Variants in ARHGAP1 observed in about 807,000 individuals in gnomAD.
ARHGAP1 encodes Rho GTPase activating protein 1, also known as rho GTPase-activating protein 1.
Under a neutral mutation model 52.2 loss-of-function variants are expected in ARHGAP1, and 23 were observed. The ratio of observed to expected loss-of-function variants is 0.44; its 90% CI spans 0.32 to 0.62. The LOEUF is 0.62. Among genes scored for constraint, ARHGAP1 ranks in the 20% least tolerant of loss-of-function variants. The pLI, the probability that ARHGAP1 is intolerant of heterozygous loss-of-function variation, is 0.05. For missense variants in ARHGAP1, 480 were observed against 560.9 expected (o/e 0.86, Z 1.46); for synonymous variants, 210 against 228.4 (o/e 0.92, Z 0.73).
rs2064586372 is a variant in ARHGAP1 at position 46,688,235 on chromosome 11, G to T, written c.255C>A (p.Ile85=). ...GCATTCGACAGGCACTAAACACAAT[G>T]ATCTTCCGCCCATACTTGTCATCTC... The part of the protein sequence containing the change: ...VAGDDKYGRK[I]IVFSACRMPP... The change falls in exon 4 of 13, where the codon ATC becomes ATA. Residue 85 remains isoleucine, a synonymous_variant. Coordinates refer to ENST00000311956, the MANE Select transcript of ARHGAP1 (RefSeq NM_004308.5). 6.2e-7 allele frequency: 1 copy of T among 1,613,906 alleles called. No individual in the cohort carries two copies. Among genetic ancestry groups the T allele is most frequent in the African/African-American group, 1.3e-5 (1 of 74,930 alleles).
chr11:46,678,119 G>A lies in ARHGAP1; in HGVS notation c.*918C>T, dbSNP rs1034972261. 1.3e-5 allele frequency: 4 copies of A among 297,882 alleles called. 1 individual carries two copies. The Admixed American group carries it at 1.9e-4, about 14-fold the overall frequency. The allele number at this position is 297,882 out of a possible 1,614,324, so 18.5% of individuals were successfully genotyped here. A position where few individuals can be genotyped will look rare whatever the true frequency, so the allele number is the denominator to read the frequency against. ...CTGGAGGAAGGAGCCATAAGATCCT[G>A]AGGCACTGAGTCACCTCTGGCTGGG... On this transcript the variant is annotated 3_prime_UTR_variant, in exon 13 of 13. Coordinates refer to ENST00000311956, the MANE Select transcript of ARHGAP1 (RefSeq NM_004308.5).
At chr11:46,689,016 G>A (rs1242819689) in intron 3 of ARHGAP1, among the ~76,000 whole-genome samples, 2 of 151,416 alleles carry the variant, frequency 1.3e-5, no homozygotes, top group African/African-American at 2.4e-5. Flanking sequence ...CCTGGGAGGC[G>A]GAGGTTGCAG....
At position 46,679,823 on chromosome 11, in the gene ARHGAP1, AGCACCCATCTGCAGACAACGCGGGCC is replaced by A. The variant is rs999799331; in HGVS notation, c.899-73_899-48del. On this transcript the variant is annotated intron_variant, in intron 10 of 12. Transcript: ENST00000311956. The surrounding 1 kb of genome is among the most constrained non-coding windows in gnomAD (Gnocchi z 4.4). ...AGAAGCTCGGCACAGCCTGAAGGGC[AGCACCCATCTGCAGACAACGCGGGCC>A]GCACTGCCTGACTGCCCCTGGACAC... 9 of 1,609,654 alleles carry A rather than the reference AGCACCCATCTGCAGACAACGCGGGCC, an allele frequency of 5.6e-6. No individual in the cohort carries two copies. The highest frequency in any genetic ancestry group is 7.6e-6 in the Non-Finnish European group (9 of 1,179,076).
At chr11:46,683,469 G>A (rs1409322019) in intron 4 of ARHGAP1, among the ~76,000 whole-genome samples, 1 of 152,110 alleles carries the variant, frequency 6.6e-6, no homozygotes, top group African/African-American at 2.4e-5. Flanking sequence ...TCCAGTCACT[G>A]GGCCTTTAGT....
At chr11:46,682,224 G>A in intron 4 of ARHGAP1, 42 bp from the exon 5 acceptor site, 1 of 1,606,364 alleles carries the variant, frequency 6.2e-7, no homozygotes, top group South Asian at 1.1e-5. Flanking sequence ...CTGTGCACAG[G>A]GGCGGCCCCA....
At chr11:46,691,107 T>G (rs918501640) in intron 3 of ARHGAP1, among the ~76,000 whole-genome samples, 1 of 152,178 alleles carries the variant, frequency 6.6e-6, no homozygotes, top group Admixed American at 6.6e-5. Context: ...AGGCTAGTCT[T>G]GAACTCCTGC....
At position 46,682,118 on chromosome 11, in the gene ARHGAP1, C is replaced by T. The variant is rs541312809; in HGVS notation, c.382G>A (p.Gly128Ser). The T allele has an allele frequency of 1.3e-5, 21 of 1,614,180 alleles. No homozygotes were observed. Among genetic ancestry groups the T allele is most frequent in the Non-Finnish European group, 1.5e-5 (18 of 1,180,030 alleles). The part of the protein sequence containing the change: ...SDYTLLYLHH[G>S]LTSDNKPSLS... Reference sequence around the variant, plus strand: ...GAGGGCTTGTTGTCGCTGGTCAGGCCGTGGTGCAGATACAGAAGTGTGTAG... The same window carrying T: ...GAGGGCTTGTTGTCGCTGGTCAGGCTGTGGTGCAGATACAGAAGTGTGTAG... The change falls in exon 5 of 13, where the codon GGC (glycine) becomes AGC (serine). Residue 128 changes from glycine to serine, a missense_variant. By Grantham distance (56) the Gly-to-Ser change is moderately conservative (BLOSUM62 0). Coordinates refer to ENST00000311956, the MANE Select transcript of ARHGAP1 (RefSeq NM_004308.5).
At chr11:46,695,835 TC>T in intron 2 of ARHGAP1, 80 bp from the exon 3 acceptor site, 1 of 1,577,448 alleles carries the variant, frequency 6.3e-7, no homozygotes, top group South Asian at 1.1e-5. Flanking sequence ...GTCTGGCCCT[TC>T]CCCCAGTAAG....
chr11:46,683,864 T>A (rs1308492454), intron 4 of ARHGAP1, among the ~76,000 whole-genome samples: 1 of 152,130 alleles, frequency 6.6e-6, no homozygotes, highest in Non-Finnish European at 1.5e-5. Flanking sequence ...GGTCTCCAAC[T>A]CCCAACCTCA....
Position 46,679,106 on chromosome 11 carries a change from G to T in ARHGAP1, c.1251C>A (p.Asn417Lys). The part of the protein sequence containing the change: ...AITLKAINPI[N>K]TFTKFLLDHQ... Reference sequence around the variant, plus strand: ...GATCCAGAAGGAACTTGGTGAAGGTGTTGATGGGATTAATGGCCTTGAGGG... The same window carrying T: ...GATCCAGAAGGAACTTGGTGAAGGTTTTGATGGGATTAATGGCCTTGAGGG... The change falls in exon 13 of 13, where the codon AAC (asparagine) becomes AAA (lysine). Residue 417 changes from asparagine to lysine, a missense_variant. Coordinates refer to ENST00000311956, the MANE Select transcript of ARHGAP1 (RefSeq NM_004308.5). The surrounding 1 kb of genome is among the most constrained non-coding windows in gnomAD (Gnocchi z 4.4). 6.2e-7 allele frequency: 1 copy of T among 1,614,226 alleles called. No individual in the cohort carries two copies. Among genetic ancestry groups the T allele is most frequent in the South Asian group, 1.1e-5 (1 of 91,090 alleles).
At position 46,679,666 on chromosome 11, in the gene ARHGAP1, G is replaced by A. The variant is rs2064508345; in HGVS notation, c.1009C>T (p.His337Tyr). 8 of 1,614,088 alleles carry A rather than the reference G, an allele frequency of 5.0e-6. No homozygotes were observed. Among genetic ancestry groups the A allele is most frequent in the South Asian group, 4.4e-5 (4 of 91,084 alleles). The change falls in exon 11 of 13, where the codon CAT becomes TAT. Residue 337 changes from histidine to tyrosine, a missense_variant. By Grantham distance (83) the His-to-Tyr change is moderately conservative (BLOSUM62 2). Coordinates refer to ENST00000311956, the MANE Select transcript of ARHGAP1 (RefSeq NM_004308.5). The surrounding 1 kb of genome is among the most constrained non-coding windows in gnomAD (Gnocchi z 4.4). ...EPLLTFDLYP[H>Y]VVGFLNIDES... ...GACTCACTGAGGAAGCCCACCACAT[G>A]GGGGTAGAGGTCAAAGGTGAGCAGG...
rs2064507706 is a variant in ARHGAP1, at chr11:46,679,576, C to G, written c.1027+72G>C. ...CCCAGCAGTCTTCCCTGGGAGGCGCCTAGGCCCGAAAGCCTGCAGCGCACC... is the reference window on the plus strand; with the variant it reads ...CCCAGCAGTCTTCCCTGGGAGGCGCGTAGGCCCGAAAGCCTGCAGCGCACC... On this transcript the variant is annotated intron_variant, in intron 11 of 12. Transcript: ENST00000311956. The surrounding 1 kb of genome is among the most constrained non-coding windows in gnomAD (Gnocchi z 4.4). 8.1e-6 allele frequency: 13 copies of G among 1,609,510 alleles called. No individual in the cohort carries two copies. The highest frequency in any genetic ancestry group is 1.1e-5 in the Non-Finnish European group (13 of 1,177,344).
intron 4 of ARHGAP1, among the ~76,000 whole-genome samples, chr11:46,685,652 G>T (rs1802539387): frequency 6.8e-6 from 1 of 146,666 alleles, no homozygotes; most frequent in Non-Finnish European, 1.5e-5. Flanking sequence ...GCCCACAACA[G>T]CCCTGGGAGG....
At chr11:46,687,533 A>C (rs1449944169) in intron 4 of ARHGAP1, 1 of 152,318 alleles carries the variant, frequency 6.6e-6, no homozygotes, top group African/African-American at 2.4e-5. Context: ...AACAGAAAGA[A>C]GGGCAAGATG....
chr11:46,686,725 G>A (rs2064571733), intron 4 of ARHGAP1: 1 of 147,794 alleles, frequency 6.8e-6, no homozygotes, highest in Non-Finnish European at 1.5e-5. Context: ...AGCCACTTCA[G>A]GCACTTTCTT....
intron 3 of ARHGAP1, among the ~76,000 whole-genome samples, chr11:46,691,290 G>C (rs1036838986): frequency 3.3e-5 from 5 of 151,910 alleles, no homozygotes; most frequent in Non-Finnish European, 7.4e-5. Context: ...TTCTGTGTTT[G>C]TTCTTCTTTT....
At chr11:46,682,235 C>G in intron 4 of ARHGAP1, 53 bp from the exon 5 acceptor site, 1 of 1,601,016 alleles carries the variant, frequency 6.2e-7, no homozygotes, top group Non-Finnish European at 8.5e-7. Flanking sequence ...GGCGGCCCCA[C>G]GAAGACAGAA....
intron 3 of ARHGAP1, among the ~76,000 whole-genome samples, chr11:46,690,970 C>A (rs2134490623): frequency 6.6e-6 from 1 of 152,184 alleles, no homozygotes; most frequent in East Asian, 1.9e-4. Context: ...CAGCCTTGAA[C>A]TCCTGGGCTC....
chr11:46,689,575 C>T (rs2064596028), intron 3 of ARHGAP1, among the ~76,000 whole-genome samples: 1 of 152,098 alleles, frequency 6.6e-6, no homozygotes, highest in African/African-American at 2.4e-5. Flanking sequence ...GAGTCTCACT[C>T]TGTCACCCAG....
Sources: allele counts gnomAD v4.1 joint callset (sites outside exome capture counted in the v4.1 genomes callset), GRCh38; gene constraint gnomAD v4.1.1; non-coding constraint Gnocchi (gnomAD v3.1); transcripts MANE v1.5; gene names NCBI Gene and HGNC (gene_info 2026-07-23, HGNC 2026-07-21).